Variants in PSMB7 observed in about 807,000 individuals in gnomAD.
The protein encoded by PSMB7 is proteasome 20S subunit beta 7, also known as proteasome subunit beta type-7.
A neutral mutation model predicts 28.1 loss-of-function variants in PSMB7; 5 were observed. That is an observed-to-expected ratio of 0.18 (90% confidence interval 0.09 to 0.37). The LOEUF is 0.37. PSMB7 is among the 10% of genes least tolerant of loss of function. PSMB7 has a pLI of 1.00. For missense variants in PSMB7, 275 were observed against 346.2 expected (o/e 0.79, Z 1.63); for synonymous variants, 122 against 123.7 (o/e 0.99, Z 0.09).
chr9:124,384,622 T>C lies in PSMB7; in HGVS notation c.546A>G (p.Glu182=). The change falls in exon 6 of 8, where the codon GAA becomes GAG. Residue 182 remains glutamate (E), a synonymous_variant. Coordinates refer to ENST00000259457, the MANE Select transcript of PSMB7 (RefSeq NM_002799.4). ...SGSLAAMAVF[E]DKFRPDMEEE... ...CCTCCATGTCTGGCCTAAACTTATCTTCAAATACAGCCATTGCTGCCAAGG... is the reference window on the plus strand; with the variant it reads ...CCTCCATGTCTGGCCTAAACTTATCCTCAAATACAGCCATTGCTGCCAAGG... The C allele has an allele frequency of 6.2e-7, 1 of 1,613,782 alleles. No homozygotes were observed.
intron 5 of PSMB7, among the ~76,000 whole-genome samples, chr9:124,389,101 A>G (rs373977205): frequency 1.2e-4 from 19 of 152,250 alleles, no homozygotes; most frequent in East Asian, 3.8e-4. Flanking sequence ...GTGTAAAGCA[A>G]TATTTATCGC....
At chr9:124,383,273 G>C (rs546461528) in intron 6 of PSMB7, among the ~76,000 whole-genome samples, 3 of 152,158 alleles carry the variant, frequency 2.0e-5, no homozygotes, top group Non-Finnish European at 1.5e-5. Flanking sequence ...TCTATACTTG[G>C]ACCTGTTTAC....
At chr9:124,392,523 C>T (rs1163324498) in intron 5 of PSMB7, among the ~76,000 whole-genome samples, 1 of 152,190 alleles carries the variant, frequency 6.6e-6, no homozygotes, top group Non-Finnish European at 1.5e-5. Flanking sequence ...CAGGAGGTGC[C>T]TTCCTCAAAG....
At chr9:124,399,631 G>A (rs1460603987) in intron 5 of PSMB7, among the ~76,000 whole-genome samples, 5 of 152,190 alleles carry the variant, frequency 3.3e-5, no homozygotes, top group Non-Finnish European at 7.3e-5. Context: ...AAGGGAGATG[G>A]CCCCAAATGA....
intron 6 of PSMB7, among the ~76,000 whole-genome samples, chr9:124,369,173 T>TA: frequency 6.6e-6 from 1 of 152,376 alleles, no homozygotes; most frequent in Admixed American, 6.5e-5. Flanking sequence ...TAAAAATCTG[T>TA]ACCACTAGGT....
In PSMB7 at chr9:124,410,010, A is replaced by ATTTT; in HGVS notation, c.395+2338_395+2341dup. On this transcript the variant is annotated intron_variant, in intron 4 of 7. Transcript: ENST00000259457. ...AAACACTGAAAAAAGAGAATTTAGA[A>ATTTT]TTTTTTTTTTTTTTTTGAGACGGAG... Among the ~76,000 whole-genome samples the ATTTT allele has an allele frequency of 1.4e-5, 2 of 144,766 alleles. 1 individual carries two copies. Among genetic ancestry groups the ATTTT allele is most frequent in the Admixed American group, 1.4e-4 (2 of 14,524 alleles). 95.0% of individuals were successfully genotyped at this position (144,766 alleles called of 152,430 possible).
intron 6 of PSMB7, 119 bp downstream of exon 6, chr9:124,384,479 C>A (rs1378836548): frequency 5.4e-6 from 5 of 920,682 alleles, no homozygotes; most frequent in Non-Finnish European, 8.0e-6. Context: ...TGCCAAAGAA[C>A]ATTCCAACTA....
intron 6 of PSMB7, among the ~76,000 whole-genome samples, chr9:124,366,544 A>T (rs74820843): frequency 2.9e-3 from 437 of 152,354 alleles, no homozygotes; most frequent in Non-Finnish European, 3.8e-3. Context: ...AGGTTACGGT[A>T]ATTACCGAAA....
Position 124,378,235 on chromosome 9 carries a change from T to C in PSMB7, c.570+6363A>G, listed in dbSNP as rs187249097. On this transcript the variant is annotated intron_variant, in intron 6 of 7. Transcript: ENST00000259457. Reference sequence around the variant, plus strand: ...TGCACTATCTGCTGTGGCATGGCTCTCATGGGACGCCAGAGCATGCCAAAT... The same window carrying C: ...TGCACTATCTGCTGTGGCATGGCTCCCATGGGACGCCAGAGCATGCCAAAT... 5.9e-5 allele frequency among the ~76,000 whole-genome samples: 9 copies of C among 152,374 alleles called. No individual in the cohort carries two copies. The East Asian group carries it at 1.5e-3, about 26-fold the overall frequency.
At chr9:124,375,272 C>T (rs1830598201) in intron 6 of PSMB7, among the ~76,000 whole-genome samples, 1 of 152,192 alleles carries the variant, frequency 6.6e-6, no homozygotes, top group Admixed American at 6.5e-5. Flanking sequence ...GATCCTCTCT[C>T]GCCTCAGCCT....
At chr9:124,405,491 T>C in intron 4 of PSMB7, 59 bp from the exon 5 acceptor site, 1 of 1,231,286 alleles carries the variant, frequency 8.1e-7, no homozygotes, top group Non-Finnish European at 1.2e-6. Context: ...TCACTGTAAC[T>C]TAGCCAAAAG....
intron 5 of PSMB7, among the ~76,000 whole-genome samples, chr9:124,396,003 C>T (rs1300234446): frequency 6.6e-6 from 1 of 152,178 alleles, no homozygotes; most frequent in Non-Finnish European, 1.5e-5. Context: ...TCTAAAGCCT[C>T]TTATACACAG....
At chr9:124,379,372 G>A (rs1830641884) in intron 6 of PSMB7, among the ~76,000 whole-genome samples, 1 of 151,984 alleles carries the variant, frequency 6.6e-6, no homozygotes, top group Non-Finnish European at 1.5e-5. Flanking sequence ...CCATGCTAGG[G>A]CAAGGGAATA....
chr9:124,406,497 C>CCA (rs1554863701), intron 4 of PSMB7, among the ~76,000 whole-genome samples: 138 of 50,510 alleles, frequency 2.7e-3, no homozygotes, highest in African/African-American at 8.4e-3. Flanking sequence ...AGAGTTGTCT[C>CCA]AAAAAAAAAA....
At chr9:124,374,999 G>A (rs148310737) in intron 6 of PSMB7, among the ~76,000 whole-genome samples, 1 of 151,846 alleles carries the variant, frequency 6.6e-6, no homozygotes, top group African/African-American at 2.4e-5. Context: ...AAATCAGCCG[G>A]GCATGGTGGC....
chr9:124,362,827 T>C (rs72761450), intron 6 of PSMB7, among the ~76,000 whole-genome samples: 136 of 152,306 alleles, frequency 8.9e-4, no homozygotes, highest in Non-Finnish European at 1.4e-3. Flanking sequence ...ATATGGTAAG[T>C]ATATACAGTT....
At chr9:124,392,021 A>G (rs1288790711) in intron 5 of PSMB7, among the ~76,000 whole-genome samples, 1 of 152,236 alleles carries the variant, frequency 6.6e-6, no homozygotes, top group African/African-American at 2.4e-5. Flanking sequence ...GGTGCTCACT[A>G]ACTCTCAAAC....
intron 5 of PSMB7, among the ~76,000 whole-genome samples, chr9:124,399,249 C>A (rs1275239354): frequency 6.6e-6 from 1 of 152,182 alleles, no homozygotes; most frequent in Non-Finnish European, 1.5e-5. Context: ...CTGAGTTGCA[C>A]AGGGCTCCGT....
rs532543616 is a variant in PSMB7 at position 124,372,841 on chromosome 9, A to G, written c.570+11757T>C. 3.9e-5 allele frequency among the ~76,000 whole-genome samples: 6 copies of G among 152,372 alleles called. No individual in the cohort carries two copies. In the South Asian group the frequency reaches 1.0e-3, roughly 26 times the overall value. On this transcript the variant is annotated intron_variant, in intron 6 of 7. Coordinates refer to ENST00000259457, the MANE Select transcript of PSMB7 (RefSeq NM_002799.4). ...AAGTCCAGGAAGACTAACGAATCCT[A>G]GAGAATCAAGAAAGAAAGAAGCAAT...
Sources: gnomAD v4.1 joint callset for allele counts (sites outside exome capture counted in the v4.1 genomes callset) on GRCh38, gnomAD v4.1.1 for gene constraint, MANE v1.5 for transcripts, NCBI Gene and HGNC (gene_info 2026-07-23, HGNC 2026-07-21) for gene names.